The following SHANK2 variants were observed in gnomAD, a reference collection of about 807,000 sequenced individuals.
SHANK2 encodes the protein SH3 and multiple ankyrin repeat domains protein 2.
In SHANK2, 43 loss-of-function variants were observed where a neutral mutation model predicts 133.7. That is an observed-to-expected ratio of 0.32 (90% confidence interval 0.25 to 0.41). The LOEUF (loss-of-function observed/expected upper bound fraction) is 0.41, where lower values mean the gene tolerates loss of function less well. Among genes scored for constraint, SHANK2 ranks in the 10% least tolerant of loss-of-function variants. The probability of loss-of-function intolerance (pLI) is 1.00; values close to 1 mark genes in which losing one functional copy is unlikely to be tolerated. For missense variants in SHANK2, 1,994 were observed against 2,235.8 expected (o/e 0.89, Z 2.18); for synonymous variants, 1,017 against 952.8 (o/e 1.07, Z -1.24).
At chr11:70,581,067 T>C (rs953227336) in intron 17 of SHANK2, among the ~76,000 whole-genome samples, 1 of 152,114 alleles carries the variant, frequency 6.6e-6, no homozygotes, top group Non-Finnish European at 1.5e-5. Context: ...GGATGCCAGA[T>C]CTAGGGGCAA....
chr11:70,888,902 C>T (rs1949791858), intron 11 of SHANK2, among the ~76,000 whole-genome samples: 1 of 152,136 alleles, frequency 6.6e-6, no homozygotes, highest in Non-Finnish European at 1.5e-5. Context: ...AGCCATCCAT[C>T]CAACATGCAT....
chr11:70,840,009 T>C (rs1399190301), intron 11 of SHANK2, among the ~76,000 whole-genome samples: 2 of 152,056 alleles, frequency 1.3e-5, no homozygotes, highest in Non-Finnish European at 2.9e-5. Context: ...AAGCGTGAGG[T>C]GGGCTCGGCC....
intron 2 of SHANK2, among the ~76,000 whole-genome samples, chr11:71,180,055 C>G (rs1953525877): frequency 6.6e-6 from 1 of 152,230 alleles, no homozygotes. Flanking sequence ...AGCTGACAAC[C>G]AGTGTTCACG....
At chr11:71,085,550 CATATT>C (rs1265509029) in intron 8 of SHANK2, among the ~76,000 whole-genome samples, 74 of 80,770 alleles carry the variant, frequency 9.2e-4, no homozygotes, top group African/African-American at 2.9e-3. Context: ...AAATATATAA[CATATT>C]ATATTATATA....
intron 17 of SHANK2, chr11:70,647,505 T>C (rs2061280563): frequency 6.6e-6 from 1 of 152,252 alleles, no homozygotes; most frequent in Non-Finnish European, 1.5e-5. Context: ...GTCCCCACTC[T>C]GTGCTGTGGC....
intron 22 of SHANK2, among the ~76,000 whole-genome samples, chr11:70,491,555 A>G (rs561020548): frequency 2.0e-5 from 3 of 152,374 alleles, no homozygotes; most frequent in South Asian, 2.1e-4. Flanking sequence ...TATAATATTT[A>G]TAGGTGTTAT....
chr11:71,225,536 A>G (rs1591038100), intron 1 of SHANK2, among the ~76,000 whole-genome samples: 3 of 152,238 alleles, frequency 2.0e-5, no homozygotes, highest in Admixed American at 2.0e-4. Flanking sequence ...TTAGCTTACA[A>G]AAAAAGTTTA....
chr11:70,949,786 C>T (rs1950806079), intron 10 of SHANK2, among the ~76,000 whole-genome samples: 1 of 152,238 alleles, frequency 6.6e-6, no homozygotes, highest in South Asian at 2.1e-4. Flanking sequence ...TTGGCCTGTT[C>T]CTACGGTAGG....
chr11:70,887,324 G>C (rs1222903074), intron 11 of SHANK2, among the ~76,000 whole-genome samples: 3 of 151,174 alleles, frequency 2.0e-5, no homozygotes, highest in African/African-American at 7.3e-5. Flanking sequence ...CACTTTCTTC[G>C]AGTTGGCAAA....
At chr11:71,073,150 T>TTTTTTTTTTTTTTTTTTTG in intron 9 of SHANK2, among the ~76,000 whole-genome samples, 1 of 32,726 alleles carries the variant, frequency 3.1e-5, no homozygotes, top group Non-Finnish European at 1.3e-4. Context: ...TTCTTTTCTT[T>TTTTTTTTTTTTTTTTTTTG]TTTTTCTTTT....
At chr11:70,577,075 C>T (rs1276252827) in intron 17 of SHANK2, among the ~76,000 whole-genome samples, 7 of 152,216 alleles carry the variant, frequency 4.6e-5, no homozygotes, top group Non-Finnish European at 8.8e-5. Context: ...TGAGCTCCCC[C>T]AGTGTCCCCA....
intron 1 of SHANK2, among the ~76,000 whole-genome samples, chr11:71,235,674 G>C (rs183612174): frequency 4.6e-5 from 7 of 151,916 alleles, no homozygotes; most frequent in African/African-American, 1.4e-4. Flanking sequence ...TCTCATTCTC[G>C]ACGGCTCACA....
chr11:70,819,712 C>A (rs953988008), intron 12 of SHANK2, among the ~76,000 whole-genome samples: 1 of 152,152 alleles, frequency 6.6e-6, no homozygotes, highest in Non-Finnish European at 1.5e-5. Flanking sequence ...AGGCTCCTGT[C>A]ACCTGGGGCT....
chr11:71,061,075 G>A (rs955052398), intron 9 of SHANK2, among the ~76,000 whole-genome samples: 20 of 152,378 alleles, frequency 1.3e-4, no homozygotes, highest in East Asian at 3.9e-4. Flanking sequence ...AAGCCCTGGC[G>A]TCAGTTCTGC....
rs115261804 is a variant in SHANK2 at position 70,832,534 on chromosome 11, C to A, written c.1175-11852G>T. Among the ~76,000 whole-genome samples, 285 of 152,310 alleles carry A rather than the reference C, an allele frequency of 1.9e-3. 1 individual carries two copies. The highest frequency in any genetic ancestry group is 6.7e-3 in the African/African-American group (279 of 41,570). On this transcript the variant is annotated intron_variant, in intron 11 of 25. Coordinates refer to ENST00000601538, the MANE Select transcript of SHANK2 (RefSeq NM_012309.5). Reference sequence around the variant, plus strand: ...CCCTCCTCCCTGCCCTGCACACTGGCAGTGATCCCTAGTGCTCTGGAGATG... The same window carrying A: ...CCCTCCTCCCTGCCCTGCACACTGGAAGTGATCCCTAGTGCTCTGGAGATG...
intron 11 of SHANK2, among the ~76,000 whole-genome samples, chr11:70,884,170 C>G (rs1428089350): frequency 6.6e-6 from 1 of 152,208 alleles, no homozygotes; most frequent in Non-Finnish European, 1.5e-5. Context: ...TGTTTCCCAC[C>G]AGGCTGGCAT....
chr11:70,760,979 T>C (rs1946984954), intron 14 of SHANK2, among the ~76,000 whole-genome samples: 1 of 152,242 alleles, frequency 6.6e-6, no homozygotes, highest in Non-Finnish European at 1.5e-5. Flanking sequence ...GGAGCTGCAA[T>C]GCCCAGGGGC....
At chr11:70,664,172 C>T (rs1944636292) in intron 15 of SHANK2, among the ~76,000 whole-genome samples, 1 of 152,126 alleles carries the variant, frequency 6.6e-6, no homozygotes, top group Non-Finnish European at 1.5e-5. Context: ...CTACCAGGTC[C>T]CTCGACCTGT....
At chr11:70,866,195 A>T (rs1036885853) in intron 11 of SHANK2, among the ~76,000 whole-genome samples, 10 of 152,164 alleles carry the variant, frequency 6.6e-5, no homozygotes, top group African/African-American at 2.4e-4. Context: ...TCCTGGTGAG[A>T]CTTAGGCTCC....
Sources: allele counts gnomAD v4.1 joint callset (sites outside exome capture counted in the v4.1 genomes callset), GRCh38; gene constraint gnomAD v4.1.1; transcripts MANE v1.5; gene names NCBI Gene and HGNC (gene_info 2026-07-23, HGNC 2026-07-21).